RBFOX1: variants seen among roughly 807,000 people sequenced by gnomAD.
The protein encoded by RBFOX1 is RNA binding fox-1 homolog 1.
In RBFOX1, 8 loss-of-function variants were observed where a neutral mutation model predicts 57.7. The ratio of observed to expected loss-of-function variants is 0.14; its 90% CI spans 0.08 to 0.25. RBFOX1 has a LOEUF of 0.25. Among genes scored for constraint, RBFOX1 ranks in the 10% least tolerant of loss-of-function variants. The pLI is 1.00. For synonymous variants in RBFOX1, 326 were observed against 222.4 expected, an observed-to-expected ratio of 1.47 and a Z score of -4.15; for missense variants, 611 against 548.5, an observed-to-expected ratio of 1.11 and a Z score of -1.14.
At position 6,654,861 on chromosome 16, in the gene RBFOX1, T is replaced by G. The variant is rs1050923993; in HGVS notation, c.-16+211T>G. 2.1e-5 allele frequency among the ~76,000 whole-genome samples: 3 copies of G among 146,324 alleles called. No homozygotes were observed. In the Admixed American group the frequency reaches 2.1e-4, roughly 10 times the overall value. The stretch of plus-strand genomic sequence containing the variant: ...TGATGGCTTCATGAGGAGTGCATAT[T>G]GTAATTTTTTACAAAAAATGTGGTG... On this transcript the variant is annotated intron_variant, in intron 3 of 15. Transcript: ENST00000550418.
intron 3 of RBFOX1, among the ~76,000 whole-genome samples, chr16:6,882,357 T>A (rs1207605076): frequency 1.3e-5 from 2 of 152,076 alleles, no homozygotes; most frequent in Non-Finnish European, 2.9e-5. Context: ...AGCAGTATAA[T>A]TACAGTTTAG....
At chr16:6,478,542 G>A (rs1049632315) in intron 2 of RBFOX1, among the ~76,000 whole-genome samples, 44 of 148,546 alleles carry the variant, frequency 3.0e-4, no homozygotes, top group African/African-American at 1.1e-3. Flanking sequence ...CCAAAATGCT[G>A]GGATTACAGG....
At chr16:7,279,959 G>A (rs1038858850) in intron 4 of RBFOX1, among the ~76,000 whole-genome samples, 3 of 152,190 alleles carry the variant, frequency 2.0e-5, no homozygotes, top group African/African-American at 7.2e-5. Flanking sequence ...CAATAGGGCA[G>A]CCAAGTTGGC....
chr16:5,632,210 C>G (rs1308121823), intron 3 of RBFOX1, among the ~76,000 whole-genome samples: 1 of 152,158 alleles, frequency 6.6e-6, no homozygotes, highest in African/African-American at 2.4e-5. Flanking sequence ...AATTATTATT[C>G]TGTATTAGAG....
intron 2 of RBFOX1, among the ~76,000 whole-genome samples, chr16:5,593,256 CTG>C (rs1193509047): frequency 1.3e-5 from 2 of 151,574 alleles, no homozygotes; most frequent in East Asian, 2.0e-4. Flanking sequence ...AAACCAAACA[CTG>C]TATGTTCTCA....
At chr16:6,257,582 A>C (rs1228947460) in intron 1 of RBFOX1, among the ~76,000 whole-genome samples, 2 of 151,786 alleles carry the variant, frequency 1.3e-5, no homozygotes, top group Non-Finnish European at 2.9e-5. Context: ...CCCATCCTCC[A>C]CCCTGAAGTA....
chr16:7,055,734 C>G (rs2051964977), intron 4 of RBFOX1, among the ~76,000 whole-genome samples: 1 of 152,164 alleles, frequency 6.6e-6, no homozygotes, highest in South Asian at 2.1e-4. Context: ...GTTACCTGCA[C>G]AAAAGTAGGA....
chr16:5,889,602 C>T (rs182962215), intron 4 of RBFOX1, among the ~76,000 whole-genome samples: 1 of 152,166 alleles, frequency 6.6e-6, no homozygotes, highest in African/African-American at 2.4e-5. Flanking sequence ...GTGCCAGTCA[C>T]ACTTTTGGGC....
At chr16:6,504,619 G>T (rs558592304) in intron 2 of RBFOX1, among the ~76,000 whole-genome samples, 2 of 152,270 alleles carry the variant, frequency 1.3e-5, no homozygotes, top group South Asian at 4.2e-4. Flanking sequence ...GTAGATAGAT[G>T]GGCAAGTGTG....
chr16:6,919,574 G>C (rs1160231791), intron 3 of RBFOX1, among the ~76,000 whole-genome samples: 1 of 151,898 alleles, frequency 6.6e-6, no homozygotes, highest in Non-Finnish European at 1.5e-5. Flanking sequence ...ACTTCCTATG[G>C]CTTGAAATTT....
At chr16:7,598,888 A>G (rs1004878370) in intron 9 of RBFOX1, among the ~76,000 whole-genome samples, 10 of 152,224 alleles carry the variant, frequency 6.6e-5, no homozygotes, top group African/African-American at 2.4e-4. Flanking sequence ...AAAGAAAACA[A>G]TGATCTAGCA....
intron 3 of RBFOX1, among the ~76,000 whole-genome samples, chr16:5,774,188 G>A (rs1255140120): frequency 3.3e-5 from 5 of 152,132 alleles, no homozygotes; most frequent in Non-Finnish European, 7.4e-5. Flanking sequence ...TGTGGAAACT[G>A]AAGCCCAGAA....
At chr16:7,401,904 G>A (rs1042539646) in intron 4 of RBFOX1, among the ~76,000 whole-genome samples, 8 of 152,122 alleles carry the variant, frequency 5.3e-5, no homozygotes, top group African/African-American at 1.9e-4. Context: ...TTTATACCCA[G>A]GCTCATGTCA....
chr16:5,790,645 C>T (rs1030764194), intron 3 of RBFOX1, among the ~76,000 whole-genome samples: 1 of 152,094 alleles, frequency 6.6e-6, no homozygotes, highest in African/African-American at 2.4e-5. Context: ...CCTCCCTAAG[C>T]CTCGTCTCCC....
At chr16:6,997,992 T>TAA (rs150385694) in intron 3 of RBFOX1, among the ~76,000 whole-genome samples, 1 of 150,996 alleles carries the variant, frequency 6.6e-6, no homozygotes, top group African/African-American at 2.4e-5. Context: ...CCTAGCAAAG[T>TAA]AAAAAAAAAC....
intron 4 of RBFOX1, among the ~76,000 whole-genome samples, chr16:7,123,193 G>A (rs926972972): frequency 2.0e-5 from 3 of 151,938 alleles, no homozygotes; most frequent in Non-Finnish European, 4.4e-5. Context: ...CAAATTTATG[G>A]TATATTAATT....
chr16:7,592,769 A>G (rs1327153847), intron 7 of RBFOX1, among the ~76,000 whole-genome samples: 2 of 152,204 alleles, frequency 1.3e-5, no homozygotes, highest in African/African-American at 2.4e-5. Context: ...GTCAAAATCT[A>G]TAGCCAAAAA....
At chr16:6,816,258 A>G (rs1290384953) in intron 3 of RBFOX1, among the ~76,000 whole-genome samples, 2 of 152,288 alleles carry the variant, frequency 1.3e-5, no homozygotes, top group East Asian at 1.9e-4. Context: ...GTAGTAAGCT[A>G]TGATCACACT....
chr16:6,695,413 C>CAAAAAAAAAAAAAAAAAAAAAA (rs71145278), intron 3 of RBFOX1, among the ~76,000 whole-genome samples: 1 of 109,106 alleles, frequency 9.2e-6, no homozygotes. Context: ...GAAACTCTGT[C>CAAAAAAAAAAAAAAAAAAAAAA]AAAAAAAAAA....
Sources: gnomAD v4.1 joint callset for allele counts (sites outside exome capture counted in the v4.1 genomes callset) on GRCh38, gnomAD v4.1.1 for gene constraint, MANE v1.5 for transcripts, NCBI Gene and HGNC (gene_info 2026-07-23, HGNC 2026-07-21) for gene names.